Variants in TMEM147 observed in about 807,000 individuals in gnomAD.
TMEM147 encodes BOS complex subunit TMEM147.
TMEM147 carries 29 observed loss-of-function variants against 29.4 expected under a neutral mutation model. The ratio of observed to expected loss-of-function variants is 0.99; its 90% confidence interval spans 0.73 to 1.34. The LOEUF (loss-of-function observed/expected upper bound fraction) is 1.34, where lower values mean the gene tolerates loss of function less well. Ranked by LOEUF, TMEM147 falls within the 40% of genes most tolerant of loss-of-function variation. TMEM147 has a pLI of 0.00. For synonymous variants in TMEM147, 121 were observed against 111.8 expected (o/e 1.08, Z -0.52); for missense variants, 260 against 289.4 (o/e 0.90, Z 0.74).
chr19:35,547,487 C>G lies in TMEM147; in HGVS notation c.*40C>G. On this transcript the variant is annotated 3_prime_UTR_variant, in exon 7 of 7. Coordinates refer to ENST00000222284, the MANE Select transcript of TMEM147 (RefSeq NM_032635.4). ...ACATTGATGTACCTTTTCCCTGCCT[C>G]ACTCCAGGTTTTAGTGAAGTAAACA... 6.2e-7 allele frequency: 1 copy of G among 1,604,862 alleles called. No homozygotes were observed. Among genetic ancestry groups the G allele is most frequent in the Non-Finnish European group, 8.5e-7 (1 of 1,174,470 alleles).
In TMEM147 at chr19:35,547,020, C is replaced by T. The variant is rs2071566728; in HGVS notation, c.420C>T (p.Asn140=). 5.6e-6 allele frequency: 9 copies of T among 1,614,124 alleles called. No individual in the cohort carries two copies. The highest frequency in any genetic ancestry group is 3.3e-4 in the Middle Eastern group (2 of 6,084). ...WKYIQMSIDS[N]ISLVHYIVAS... is the part of the protein sequence containing the mutation. ...ACATCCAGATGAGCATAGACTCCAA[C>T]ATCAGTCTGGTAGGCAGTCGTGCTC... Residue 140 remains asparagine, a synonymous_variant, in exon 5 of 7, where the codon AAC becomes AAT. Coordinates refer to ENST00000222284, the MANE Select transcript of TMEM147 (RefSeq NM_032635.4).
chr19:35,547,272 A>G (rs12610889), intron 6 of TMEM147, 32 bp downstream of exon 6: 83,395 of 1,613,982 alleles, frequency 0.052, 2,611 homozygotes, highest in East Asian at 0.16. Context: ...GCTGGGTCCA[A>G]AGTGGGGTGG....
In TMEM147 at chr19:35,546,925, C is replaced by G. The variant is rs774719180; in HGVS notation, c.345-20C>G. On this transcript the variant is annotated intron_variant, in intron 4 of 6. Transcript: ENST00000222284. ...GAAGGTGTCTGAGTACTGGAGAATC[C>G]CATCCTTTGCCTTCCTCAGCTGCAT... The G allele has an allele frequency of 6.2e-7, 1 of 1,614,136 alleles. No homozygotes were observed. Among genetic ancestry groups the G allele is most frequent in the South Asian group, 1.1e-5 (1 of 91,078 alleles).
In TMEM147 at chr19:35,547,329, T is replaced by A; in HGVS notation, c.557T>A (p.Phe186Tyr). 1 of 1,613,922 alleles carries A rather than the reference T, an allele frequency of 6.2e-7. No homozygotes were observed. Among genetic ancestry groups the A allele is most frequent in the Non-Finnish European group, 8.5e-7 (1 of 1,179,946 alleles). The change falls in exon 7 of 7, where the codon TTC becomes TAC. Residue 186 changes from phenylalanine (F) to tyrosine (Y), a missense_variant. By Grantham distance (22) the Phe-to-Tyr change is conservative. Coordinates refer to ENST00000222284, the MANE Select transcript of TMEM147 (RefSeq NM_032635.4). ...ATTGTGACATTTTCCTGCAGGACCTTCGTCCACCTCTGCTCGCTGGGCAGT... is the reference window on the plus strand; with the variant it reads ...ATTGTGACATTTTCCTGCAGGACCTACGTCCACCTCTGCTCGCTGGGCAGT... Reference protein sequence around the residue: ...SVYKAFVMETFVHLCSLGSWA... With the variant: ...SVYKAFVMETYVHLCSLGSWA...
chr19:35,545,673 C>G lies in TMEM147; in HGVS notation c.-67C>G. On this transcript the variant is annotated 5_prime_UTR_variant, in exon 1 of 7. Coordinates refer to ENST00000222284, the MANE Select transcript of TMEM147 (RefSeq NM_032635.4). ...GGCCGTGGCGAAAGAGCCGGCGGAG[C>G]CGGAGACCCGCTCCCGGAGACGCCG... 6.4e-7 allele frequency: 1 copy of G among 1,563,472 alleles called. No homozygotes were observed. The highest frequency in any genetic ancestry group is 1.7e-5 in the Admixed American group (1 of 57,570).
chr19:35,546,425 C>T, intron 2 of TMEM147, 101 bp from the exon 3 acceptor site: 1 of 1,369,998 alleles, frequency 7.3e-7, no homozygotes, highest in Non-Finnish European at 9.9e-7. Flanking sequence ...CCCCCAGAAC[C>T]TGTCCTGCCC....
Position 35,545,745 on chromosome 19 carries a change from C to T in TMEM147, c.6C>T (p.Thr2=). M[T]LFHFGNCFAL... ...GGGACCGGGCGGCCGGCATCATGACCCTGTTTCACTTCGGGAACTGCTTCG... is the reference window on the plus strand; with the variant it reads ...GGGACCGGGCGGCCGGCATCATGACTCTGTTTCACTTCGGGAACTGCTTCG... The change falls in exon 1 of 7, where the codon ACC becomes ACT. Residue 2 remains threonine, a synonymous_variant. Transcript: ENST00000222284. 3.1e-6 allele frequency: 5 copies of T among 1,612,152 alleles called. No individual in the cohort carries two copies. Among genetic ancestry groups the T allele is most frequent in the Non-Finnish European group, 3.4e-6 (4 of 1,179,850 alleles).
At position 35,545,895 on chromosome 19, in the gene TMEM147, T is replaced by C. The variant is rs757406981; in HGVS notation, c.85T>C (p.Tyr29His). 3 of 1,613,962 alleles carry C rather than the reference T, an allele frequency of 1.9e-6. No homozygotes were observed. The highest frequency in any genetic ancestry group is 2.5e-6 in the Non-Finnish European group (3 of 1,179,916). Reference protein sequence around the residue: ...ITYKCSGLSEYNAFWKCVQAG... With the variant: ...ITYKCSGLSEHNAFWKCVQAG... Reference sequence around the variant, plus strand: ...CACCTCCCGCTTCTCCAGGTCCGAGTACAACGCCTTCTGGAAATGCGTCCA... The same window carrying C: ...CACCTCCCGCTTCTCCAGGTCCGAGCACAACGCCTTCTGGAAATGCGTCCA... Residue 29 changes from tyrosine (Y) to histidine (H), a missense_variant, in exon 2 of 7, where the codon TAC becomes CAC. Tyr to His is a moderately conservative substitution (Grantham distance 83, BLOSUM62 2). Transcript: ENST00000222284.
At chr19:35,547,279 G>A in intron 6 of TMEM147, 39 bp downstream of exon 6, 1 of 1,614,128 alleles carries the variant, frequency 6.2e-7, no homozygotes, top group Non-Finnish European at 8.5e-7. Context: ...CCAAAGTGGG[G>A]TGGGTTATCT....
At position 35,545,948 on chromosome 19, in the gene TMEM147, A is replaced by C. The variant is rs770882674; in HGVS notation, c.138A>C (p.Gln46His). 1 of 1,613,100 alleles carries C rather than the reference A, an allele frequency of 6.2e-7. No homozygotes were observed. The highest frequency in any genetic ancestry group is 1.7e-5 in the Admixed American group (1 of 59,958). Reference protein sequence around the residue: ...VQAGVTYLFVQLCKMLFLATF... With the variant: ...VQAGVTYLFVHLCKMLFLATF... The stretch of plus-strand genomic sequence containing the variant: ...CTGGAGTCACCTACCTCTTTGTCCA[A>C]CTCTGCAAGGTGAGGGCCACCGGGA... The change falls in exon 2 of 7, where the codon CAA becomes CAC. Residue 46 changes from glutamine (Q) to histidine (H), a missense_variant. Transcript: ENST00000222284.
rs905580579 is a variant in TMEM147, at chr19:35,547,135, C to T, written c.446C>T (p.Ala149Val). ...TCCCTCTAGGTCCATTACATCGTCG[C>T]GTCTGCTCAGGTCTGGATGATAACA... ...SNISLVHYIVASAQVWMITRY... is the reference protein window; with the variant it reads ...SNISLVHYIVVSAQVWMITRY... Residue 149 changes from alanine to valine, a missense_variant, in exon 6 of 7, where the codon GCG becomes GTG. Transcript: ENST00000222284. 3.7e-6 allele frequency: 6 copies of T among 1,614,102 alleles called. No individual in the cohort carries two copies. The highest frequency in any genetic ancestry group is 1.3e-5 in the African/African-American group (1 of 74,920).
At chr19:35,546,060 C>A in intron 2 of TMEM147, 103 bp downstream of exon 2, 1 of 1,313,386 alleles carries the variant, frequency 7.6e-7, no homozygotes, top group Non-Finnish European at 1.1e-6. Context: ...ACGGTGGGAC[C>A]GCCCTCGGGA....
Position 35,545,725 on chromosome 19 carries a change from C to G in TMEM147, c.-15C>G, listed in dbSNP as rs1429148115. 1 of 1,608,182 alleles carries G rather than the reference C, an allele frequency of 6.2e-7. No individual in the cohort carries two copies. Among genetic ancestry groups the G allele is most frequent in the Non-Finnish European group, 8.5e-7 (1 of 1,179,418 alleles). On this transcript the variant is annotated 5_prime_UTR_variant, in exon 1 of 7. Transcript: ENST00000222284. ...CTCGCGATCCCCGCGCGGGCGGGAC[C>G]GGGCGGCCGGCATCATGACCCTGTT...
chr19:35,545,962 G>A lies in TMEM147; in HGVS notation c.147+5G>A, dbSNP rs759445870. 6.2e-7 allele frequency: 1 copy of A among 1,612,886 alleles called. No individual in the cohort carries two copies. The highest frequency in any genetic ancestry group is 8.5e-7 in the Non-Finnish European group (1 of 1,179,662). ...CTCTTTGTCCAACTCTGCAAGGTGA[G>A]GGCCACCGGGAAGCCACGTGTTCTG... On this transcript the variant is annotated splice_donor_5th_base_variant and intron_variant, in intron 2 of 6. Coordinates refer to ENST00000222284, the MANE Select transcript of TMEM147 (RefSeq NM_032635.4).
In TMEM147 at chr19:35,547,412, G is replaced by A. The variant is rs748954307; in HGVS notation, c.640G>A (p.Ala214Thr). 1 of 1,613,724 alleles carries A rather than the reference G, an allele frequency of 6.2e-7. No homozygotes were observed. Among genetic ancestry groups the A allele is most frequent in the Admixed American group, 1.7e-5 (1 of 60,024 alleles). Residue 214 changes from alanine to threonine, a missense_variant, in exon 7 of 7, where the codon GCC becomes ACC. By Grantham distance (58) the Ala-to-Thr change is moderately conservative. Transcript: ENST00000222284. ...GGGGCTGCTGGCCCTCAGCACTTTGGCCCTGTATGTCGCCGTTGTCAATGT... is the reference window on the plus strand; with the variant it reads ...GGGGCTGCTGGCCCTCAGCACTTTGACCCTGTATGTCGCCGTTGTCAATGT... ...VTGLLALSTL[A>T]LYVAVVNVHS
At chr19:35,546,875 G>T in intron 4 of TMEM147, 67 bp downstream of exon 4, 7 of 1,614,144 alleles carry the variant, frequency 4.3e-6, no homozygotes, top group Non-Finnish European at 5.9e-6. Flanking sequence ...GGGTGCTGGA[G>T]GGCAGGGGCT....
At chr19:35,546,011 G>A in intron 2 of TMEM147, 54 bp downstream of exon 2, 1 of 1,576,514 alleles carries the variant, frequency 6.3e-7, no homozygotes, top group Non-Finnish European at 8.6e-7. Context: ...GCAGACCCAG[G>A]GACCCGCCCC....
intron 2 of TMEM147, 30 bp downstream of exon 2, chr19:35,545,987 G>C: frequency 6.2e-7 from 1 of 1,607,200 alleles, no homozygotes; most frequent in Non-Finnish European, 8.5e-7. Context: ...CACGTGTTCT[G>C]GCCCCCAGGC....
rs370191264 is a variant in TMEM147, at chr19:35,546,667, C to T, written c.208-5C>T. The T allele has an allele frequency of 4.8e-5, 77 of 1,612,100 alleles. No homozygotes were observed. The Middle Eastern group carries it at 9.9e-4, about 21-fold the overall frequency. On this transcript the variant is annotated splice_polypyrimidine_tract_variant and splice_region_variant and intron_variant, in intron 3 of 6. Coordinates refer to ENST00000222284, the MANE Select transcript of TMEM147 (RefSeq NM_032635.4). ...TGCTTACTTAAGCCTCAACCTGACC[C>T]GCAGGAGTTCATGAAGGCCAGCGTG...
Sources: allele counts gnomAD v4.1 joint callset, GRCh38; gene constraint gnomAD v4.1.1; transcripts MANE v1.5; gene names NCBI Gene and HGNC (gene_info 2026-07-23, HGNC 2026-07-21).